Variants in HACD3 observed in about 807,000 individuals in gnomAD.
HACD3 encodes very-long-chain (3R)-3-hydroxyacyl-CoA dehydratase 3.
A neutral mutation model predicts 55.2 loss-of-function variants in HACD3; 30 were observed. That is an observed-to-expected ratio of 0.54 (90% CI 0.41 to 0.74). HACD3 has a LOEUF of 0.74. HACD3 is among the 30% of genes least tolerant of loss of function. The probability of loss-of-function intolerance (pLI) is 0.00; values close to 1 mark genes in which losing one functional copy is unlikely to be tolerated. For missense variants in HACD3, 363 were observed against 440.1 expected (o/e 0.82, Z 1.57); for synonymous variants, 141 against 151.7 (o/e 0.93, Z 0.52).
At chr15:65,560,224 C>T (rs2072231300) in intron 5 of HACD3, among the ~76,000 whole-genome samples, 1 of 151,974 alleles carries the variant, frequency 6.6e-6, no homozygotes, top group South Asian at 2.1e-4. Context: ...TATTTGAGGA[C>T]CAACCAGATG....
intron 1 of HACD3, among the ~76,000 whole-genome samples, chr15:65,533,111 G>A (rs985372556): frequency 2.0e-5 from 3 of 152,216 alleles, no homozygotes; most frequent in Non-Finnish European, 4.4e-5. Flanking sequence ...TTAGACACTT[G>A]TAATCTCTGA....
At chr15:65,554,233 G>T (rs1041444569) in intron 2 of HACD3, among the ~76,000 whole-genome samples, 10 of 152,110 alleles carry the variant, frequency 6.6e-5, no homozygotes, top group Non-Finnish European at 5.9e-5. Context: ...TATCCGTGTG[G>T]CTCCTTTGGC....
chr15:65,571,970 G>T (rs930286683), intron 9 of HACD3, among the ~76,000 whole-genome samples: 2 of 152,136 alleles, frequency 1.3e-5, no homozygotes, highest in African/African-American at 2.4e-5. Context: ...ACATAAGTCA[G>T]CTAGGGATTT....
chr15:65,545,017 CTA>C (rs1491178177), intron 1 of HACD3, among the ~76,000 whole-genome samples: 50 of 141,146 alleles, frequency 3.5e-4, no homozygotes, highest in African/African-American at 1.3e-3. Context: ...GAAATTCTGT[CTA>C]AAAAAAAAAA....
At position 65,577,637 on chromosome 15, in the gene HACD3, C is replaced by T. The variant is rs1395247547; in HGVS notation, c.*1258C>T. On this transcript the variant is annotated 3_prime_UTR_variant, in exon 11 of 11. Transcript: ENST00000261875. ...CATAAAAAATGGCAGCCTTCCATCT[C>T]CTGCACTGGCTGAGTCCATTTACTT... 1 of 152,208 alleles carries T rather than the reference C, an allele frequency of 6.6e-6. No individual in the cohort carries two copies. The highest frequency in any genetic ancestry group is 6.5e-5 in the Admixed American group (1 of 15,286). The allele number at this position is 152,208 out of a possible 1,614,324, so 9.4% of individuals were successfully genotyped here.
intron 6 of HACD3, among the ~76,000 whole-genome samples, chr15:65,563,609 C>T (rs1299112521): frequency 6.6e-6 from 1 of 152,042 alleles, no homozygotes; most frequent in Non-Finnish European, 1.5e-5. Context: ...GTTGAAGCTG[C>T]AGTAAGCCGT....
intron 1 of HACD3, among the ~76,000 whole-genome samples, chr15:65,542,067 A>G (rs1488961327): frequency 6.6e-6 from 1 of 151,698 alleles, no homozygotes; most frequent in African/African-American, 2.4e-5. Context: ...TGTCTCTACT[A>G]AAAATACAAA....
intron 1 of HACD3, among the ~76,000 whole-genome samples, chr15:65,545,396 A>G (rs1416314866): frequency 6.6e-6 from 1 of 152,188 alleles, no homozygotes; most frequent in African/African-American, 2.4e-5. Flanking sequence ...GTAAGTCTGT[A>G]TTAAATAAAA....
chr15:65,575,971 G>A (rs1297891398), intron 10 of HACD3, among the ~76,000 whole-genome samples: 1 of 152,198 alleles, frequency 6.6e-6, no homozygotes, highest in African/African-American at 2.4e-5. Context: ...GTGGACGCCT[G>A]TAATCCCAGC....
intron 8 of HACD3, 81 bp from the exon 9 acceptor site, chr15:65,571,467 T>G: frequency 1.0e-6 from 1 of 979,000 alleles, no homozygotes; most frequent in Non-Finnish European, 1.6e-6. Context: ...AGAAATAGAA[T>G]TCTTCTATTT....
At chr15:65,565,355 A>G (rs2072280948) in intron 7 of HACD3, 1 of 152,214 alleles carries the variant, frequency 6.6e-6, no homozygotes, top group Admixed American at 6.6e-5. Context: ...GGGGGCTCCA[A>G]CCCCATGTTT....
At chr15:65,545,069 G>GT (rs1273769283) in intron 1 of HACD3, among the ~76,000 whole-genome samples, 4 of 151,992 alleles carry the variant, frequency 2.6e-5, no homozygotes, top group Non-Finnish European at 2.9e-5. Flanking sequence ...GACCTCCAGT[G>GT]TAAAATTGCA....
rs563122411 is a variant in HACD3 at position 65,549,614 on chromosome 15, A to T, written c.88-2062A>T. Among the ~76,000 whole-genome samples the T allele has an allele frequency of 2.0e-5, 3 of 150,866 alleles. No homozygotes were observed. In the South Asian group the frequency reaches 6.3e-4, roughly 32 times the overall value. On this transcript the variant is annotated intron_variant, in intron 1 of 10. Coordinates refer to ENST00000261875, the MANE Select transcript of HACD3 (RefSeq NM_016395.4). The stretch of plus-strand genomic sequence containing the variant: ...GATTCCATCTCAAAAAAAAAAAAAA[A>T]AAAAAAGATCAAAGCCCAAGACCCA...
chr15:65,532,396 C>T (rs961594275), intron 1 of HACD3, among the ~76,000 whole-genome samples: 3 of 152,060 alleles, frequency 2.0e-5, no homozygotes, highest in African/African-American at 7.2e-5. Flanking sequence ...GAGGCCGAGG[C>T]GGGAGGATCA....
intron 10 of HACD3, among the ~76,000 whole-genome samples, chr15:65,575,390 G>A (rs1425896277): frequency 6.6e-6 from 1 of 151,984 alleles, no homozygotes; most frequent in Non-Finnish European, 1.5e-5. Context: ...GCGTCACAAT[G>A]TTGGCCAGGC....
At chr15:65,549,470 C>G (rs1045896342) in intron 1 of HACD3, among the ~76,000 whole-genome samples, 1 of 148,776 alleles carries the variant, frequency 6.7e-6, no homozygotes, top group Non-Finnish European at 1.5e-5. Context: ...TGTGGTGGCG[C>G]ACACCTGTAA....
At chr15:65,567,270 G>C (rs1567339741) in intron 7 of HACD3, among the ~76,000 whole-genome samples, 1 of 152,070 alleles carries the variant, frequency 6.6e-6, no homozygotes, top group Non-Finnish European at 1.5e-5. Context: ...AGTGAGCTGG[G>C]ATTGTGCCAC....
chr15:65,552,983 A>T (rs1284294269), intron 2 of HACD3: 2 of 151,592 alleles, frequency 1.3e-5, no homozygotes, highest in Non-Finnish European at 2.9e-5. Flanking sequence ...GAGAATGATG[A>T]TTTCCAATTT....
At chr15:65,569,472 G>T (rs979231015) in intron 7 of HACD3, among the ~76,000 whole-genome samples, 3 of 152,162 alleles carry the variant, frequency 2.0e-5, no homozygotes, top group Admixed American at 2.0e-4. Flanking sequence ...CACTCTGGGA[G>T]GCTGACGCAA....
Sources: gnomAD v4.1 joint callset for allele counts (sites outside exome capture counted in the v4.1 genomes callset) on GRCh38, gnomAD v4.1.1 for gene constraint, MANE v1.5 for transcripts, NCBI Gene and HGNC (gene_info 2026-07-23, HGNC 2026-07-21) for gene names.